The following ATP2B2 variants were observed in gnomAD, a reference collection of about 807,000 sequenced individuals.
ATP2B2 encodes the protein plasma membrane calcium-transporting ATPase 2.
A neutral mutation model predicts 120.0 loss-of-function variants in ATP2B2; 15 were observed. The ratio of observed to expected loss-of-function variants is 0.12; its 90% CI spans 0.08 to 0.19. ATP2B2 has a LOEUF of 0.19. Ranked by LOEUF, ATP2B2 falls within the 10% of genes least tolerant of loss-of-function variation. The probability of loss-of-function intolerance (pLI) is 1.00; values close to 1 mark genes in which losing one functional copy is unlikely to be tolerated. For missense variants in ATP2B2, 1,045 were observed against 1,719.8 expected (o/e 0.61, Z 6.94); for synonymous variants, 694 against 700.3 (o/e 0.99, Z 0.14).
At chr3:10,621,241 C>G (rs1344812286) in intron 1 of ATP2B2, among the ~76,000 whole-genome samples, 1 of 152,188 alleles carries the variant, frequency 6.6e-6, no homozygotes, top group Non-Finnish European at 1.5e-5. Context: ...CACTGTTGAG[C>G]CAGCCTGTCC....
chr3:10,385,221 G>A (rs1239725595), intron 8 of ATP2B2, 47 bp downstream of exon 8: 1 of 1,582,088 alleles, frequency 6.3e-7, no homozygotes. Context: ...GTGGGGGTGA[G>A]AGACGCCCAT....
intron 12 of ATP2B2, among the ~76,000 whole-genome samples, chr3:10,370,894 A>G (rs73811900): frequency 0.018 from 2,730 of 152,322 alleles, 74 homozygotes; most frequent in African/African-American, 0.062. Flanking sequence ...TCTAGTGCTG[A>G]GGCAACCTGT....
At chr3:10,624,759 T>C (rs1416193687) in intron 1 of ATP2B2, among the ~76,000 whole-genome samples, 1 of 152,224 alleles carries the variant, frequency 6.6e-6, no homozygotes, top group African/African-American at 2.4e-5. Flanking sequence ...GTAAGACCCA[T>C]ATAAGAGGTT....
At chr3:10,387,224 T>C (rs1033894053) in intron 6 of ATP2B2, among the ~76,000 whole-genome samples, 8 of 152,234 alleles carry the variant, frequency 5.3e-5, no homozygotes, top group African/African-American at 2.4e-5. Context: ...AGCCTTCTAA[T>C]TTCCCAGAAC....
At chr3:10,505,117 T>C (rs938136048) in intron 1 of ATP2B2, among the ~76,000 whole-genome samples, 2 of 152,088 alleles carry the variant, frequency 1.3e-5, no homozygotes, top group African/African-American at 4.8e-5. Context: ...CATAACATCC[T>C]TAGGGGGCAT....
intron 2 of ATP2B2, among the ~76,000 whole-genome samples, chr3:10,566,839 C>T (rs568039244): frequency 6.6e-6 from 1 of 152,244 alleles, no homozygotes; most frequent in South Asian, 2.1e-4. Context: ...CCATCAATTT[C>T]CTTGATTGTC....
At chr3:10,647,901 G>T (rs1167662026) in intron 1 of ATP2B2, among the ~76,000 whole-genome samples, 2 of 152,188 alleles carry the variant, frequency 1.3e-5, no homozygotes, top group African/African-American at 4.8e-5. Context: ...ATCCAGAAAA[G>T]GTGAAGGGAA....
In ATP2B2 at chr3:10,464,337, G is replaced by A. The variant is rs796954921; in HGVS notation, c.-319-14475C>T. Reference sequence around the variant, plus strand: ...CAGATGCGAATGCAGCCTCCCAGGGGACACAGGCCCAGGGGACCCTAGCCT... The same window carrying A: ...CAGATGCGAATGCAGCCTCCCAGGGAACACAGGCCCAGGGGACCCTAGCCT... On this transcript the variant is annotated intron_variant, in intron 1 of 22. Coordinates refer to ENST00000360273, the MANE Select transcript of ATP2B2 (RefSeq NM_001001331.4). 4.6e-5 allele frequency among the ~76,000 whole-genome samples: 7 copies of A among 152,266 alleles called. 1 individual carries two copies. Among genetic ancestry groups the A allele is most frequent in the African/African-American group, 1.7e-4 (7 of 41,554 alleles).
At chr3:10,443,516 C>T (rs34864) in intron 2 of ATP2B2, among the ~76,000 whole-genome samples, 102,573 of 151,922 alleles carry the variant, frequency 0.68, 38,905 homozygotes, top group Non-Finnish European at 0.84. Context: ...GCCTGGCTGC[C>T]GCATTGACCG....
chr3:10,605,352 A>G (rs1352674355), intron 2 of ATP2B2, among the ~76,000 whole-genome samples: 2 of 152,174 alleles, frequency 1.3e-5, no homozygotes, highest in African/African-American at 4.8e-5. Context: ...CTACATATGG[A>G]AAGACTGAGG....
At chr3:10,680,663 G>A (rs894081560) in intron 1 of ATP2B2, among the ~76,000 whole-genome samples, 5 of 152,298 alleles carry the variant, frequency 3.3e-5, no homozygotes, top group South Asian at 2.1e-4. Flanking sequence ...CAGGGTGGTG[G>A]TTACTGATCC....
At chr3:10,486,534 T>C (rs978226600) in intron 1 of ATP2B2, among the ~76,000 whole-genome samples, 2 of 152,146 alleles carry the variant, frequency 1.3e-5, no homozygotes, top group Non-Finnish European at 2.9e-5. Flanking sequence ...GTGCCCAGTA[T>C]GTTCTCACCT....
chr3:10,549,818 G>A (rs1037863624), intron 2 of ATP2B2, among the ~76,000 whole-genome samples: 3 of 152,178 alleles, frequency 2.0e-5, no homozygotes, highest in Non-Finnish European at 2.9e-5. Flanking sequence ...AGATAGAAAA[G>A]TGAAGAGTAC....
intron 1 of ATP2B2, among the ~76,000 whole-genome samples, chr3:10,490,070 C>T (rs559648179): frequency 2.8e-4 from 42 of 152,356 alleles, no homozygotes; most frequent in African/African-American, 9.1e-4. Flanking sequence ...CACTTGCCCT[C>T]GTGGGGCCCT....
chr3:10,659,696 A>C (rs1559508617), intron 1 of ATP2B2, among the ~76,000 whole-genome samples: 1 of 152,214 alleles, frequency 6.6e-6, no homozygotes, highest in Non-Finnish European at 1.5e-5. Flanking sequence ...CAAAACAGAA[A>C]GTTAACAAGG....
intron 2 of ATP2B2, among the ~76,000 whole-genome samples, chr3:10,413,385 C>T (rs937452699): frequency 1.4e-4 from 21 of 152,232 alleles, no homozygotes; most frequent in African/African-American, 4.3e-4. Context: ...GGAGACCTCA[C>T]GCCAGCCTGC....
intron 2 of ATP2B2, among the ~76,000 whole-genome samples, chr3:10,555,590 A>G (rs1216885187): frequency 1.3e-5 from 2 of 152,206 alleles, no homozygotes; most frequent in African/African-American, 4.8e-5. Context: ...CCAATGCTCC[A>G]ACACATCTCT....
intron 1 of ATP2B2, among the ~76,000 whole-genome samples, chr3:10,690,799 T>C (rs888765241): frequency 6.6e-6 from 1 of 152,216 alleles, no homozygotes. Context: ...TTATGAATTA[T>C]ATGAATTATA....
intron 1 of ATP2B2, among the ~76,000 whole-genome samples, chr3:10,458,605 A>C (rs2064360029): frequency 1.2e-5 from 1 of 81,580 alleles, no homozygotes. Flanking sequence ...AACAGCAGGA[A>C]TCAGATCCAC....
Sources: allele counts gnomAD v4.1 joint callset (sites outside exome capture counted in the v4.1 genomes callset), GRCh38; gene constraint gnomAD v4.1.1; transcripts MANE v1.5; gene names NCBI Gene and HGNC (gene_info 2026-07-23, HGNC 2026-07-21).